NRG1: variants seen among roughly 807,000 people sequenced by gnomAD.
NRG1 encodes the protein neuregulin 1.
A neutral mutation model predicts 63.8 loss-of-function variants in NRG1; 18 were observed. The ratio of observed to expected loss-of-function variants is 0.28; its 90% CI spans 0.19 to 0.42. NRG1 has a LOEUF of 0.42. NRG1 is among the 10% of genes least tolerant of loss of function. The pLI is 1.00. For missense variants in NRG1, 762 were observed against 814.7 expected (o/e 0.94, Z 0.79); for synonymous variants, 302 against 301.3 (o/e 1.00, Z -0.02).
chr8:32,619,335 A>G (rs552037901), intron 5 of NRG1, among the ~76,000 whole-genome samples: 12 of 152,294 alleles, frequency 7.9e-5, no homozygotes, highest in Admixed American at 2.6e-4. Flanking sequence ...GGGGACCATA[A>G]GGAGCCCTGT....
intron 1 of NRG1, among the ~76,000 whole-genome samples, chr8:31,775,555 G>T (rs1216044757): frequency 6.6e-6 from 1 of 152,054 alleles, no homozygotes; most frequent in Admixed American, 6.6e-5. Flanking sequence ...TATATCAATG[G>T]AACAAAACTG....
intron 5 of NRG1, among the ~76,000 whole-genome samples, chr8:32,650,216 G>GTT (rs199510344): frequency 6.6e-6 from 1 of 151,286 alleles, no homozygotes; most frequent in Non-Finnish European, 1.5e-5. Context: ...TTCCTTATCA[G>GTT]TTTTTTTTTC....
At chr8:32,405,338 C>T (rs1275027931) in intron 1 of NRG1, among the ~76,000 whole-genome samples, 1 of 152,198 alleles carries the variant, frequency 6.6e-6, no homozygotes, top group East Asian at 1.9e-4. Context: ...AATTTATTCT[C>T]CTACTCCCAT....
intron 1 of NRG1, among the ~76,000 whole-genome samples, chr8:32,396,498 G>T (rs1441042239): frequency 1.3e-5 from 2 of 152,092 alleles, no homozygotes; most frequent in Non-Finnish European, 2.9e-5. Flanking sequence ...GCCCAGGCTG[G>T]AATGCAATAG....
chr8:32,557,727 TTTTGGG>T (rs199729245), intron 1 of NRG1, among the ~76,000 whole-genome samples: 2,075 of 152,290 alleles, frequency 0.014, 54 homozygotes, highest in African/African-American at 0.047. Context: ...GCATTATCCA[TTTTGGG>T]AAAGAGTAAT....
chr8:31,819,206 C>CTCCAGCCTGGGTGACAGAGCA (rs149093533), intron 1 of NRG1, among the ~76,000 whole-genome samples: 23,243 of 151,872 alleles, frequency 0.15, 2,080 homozygotes, highest in Non-Finnish European at 0.19. Context: ...GCTACTTACA[C>CTCCAGCCTGGGTGACAGAGCA]TCCAGCCTGG....
chr8:32,005,937 T>C (rs1813701886), intron 1 of NRG1, among the ~76,000 whole-genome samples: 1 of 152,056 alleles, frequency 6.6e-6, no homozygotes, highest in Non-Finnish European at 1.5e-5. Context: ...TTCTTTGTTC[T>C]AGTTATTTTC....
intron 1 of NRG1, among the ~76,000 whole-genome samples, chr8:31,860,685 G>A (rs112249354): frequency 1.2e-3 from 189 of 152,236 alleles, no homozygotes; most frequent in African/African-American, 4.1e-3. Context: ...ATTATTTGGC[G>A]TGTTTGAATA....
intron 1 of NRG1, among the ~76,000 whole-genome samples, chr8:32,052,455 A>AT (rs1018812012): frequency 2.0e-5 from 3 of 151,080 alleles, no homozygotes; most frequent in Admixed American, 6.6e-5. Context: ...TTTTATTTGT[A>AT]TTTTTTTTAA....
intron 1 of NRG1, among the ~76,000 whole-genome samples, chr8:32,153,220 G>A (rs975508803): frequency 6.6e-6 from 1 of 152,138 alleles, no homozygotes; most frequent in Non-Finnish European, 1.5e-5. Context: ...GTACAGGGGC[G>A]AGCTTCCAGC....
At chr8:32,577,893 A>G (rs1563689810) in intron 1 of NRG1, among the ~76,000 whole-genome samples, 3 of 152,178 alleles carry the variant, frequency 2.0e-5, no homozygotes, top group Admixed American at 6.5e-5. Flanking sequence ...ATAGTTTAAC[A>G]TAAAAGGAAG....
intron 5 of NRG1, among the ~76,000 whole-genome samples, chr8:32,659,032 A>C (rs1802177129): frequency 6.6e-6 from 1 of 152,052 alleles, no homozygotes; most frequent in Admixed American, 6.6e-5. Flanking sequence ...TGGTCCTTGG[A>C]TTTATAGCGC....
At chr8:32,747,847 G>A (rs2975500) in intron 7 of NRG1, among the ~76,000 whole-genome samples, 11,824 of 150,502 alleles carry the variant, frequency 0.079, 653 homozygotes, top group Non-Finnish European at 0.12. Flanking sequence ...AGTTTTTCTG[G>A]CTAGTTAACG....
chr8:32,534,136 A>G (rs571504703), intron 1 of NRG1, among the ~76,000 whole-genome samples: 98 of 152,228 alleles, frequency 6.4e-4, no homozygotes, highest in Non-Finnish European at 6.3e-4. Context: ...TTATAAACCC[A>G]CATACTCAGA....
intron 1 of NRG1, among the ~76,000 whole-genome samples, chr8:32,439,080 T>C (rs1202631767): frequency 1.3e-5 from 2 of 152,188 alleles, no homozygotes; most frequent in African/African-American, 4.8e-5. Flanking sequence ...AATACCTAAA[T>C]GTCTTTTGAT....
At chr8:31,917,032 G>A (rs894764452) in intron 1 of NRG1, among the ~76,000 whole-genome samples, 211 of 151,464 alleles carry the variant, frequency 1.4e-3, no homozygotes, top group Admixed American at 3.2e-3. Flanking sequence ...CATGTCCTTC[G>A]CCCACTTTTT....
intron 1 of NRG1, among the ~76,000 whole-genome samples, chr8:31,853,428 A>G (rs1454071523): frequency 2.0e-5 from 3 of 150,340 alleles, no homozygotes; most frequent in Non-Finnish European, 4.4e-5. Flanking sequence ...TTATTGGTGT[A>G]TAAGAATGCT....
At chr8:32,364,571 A>G (rs1807690292) in intron 1 of NRG1, among the ~76,000 whole-genome samples, 1 of 152,130 alleles carries the variant, frequency 6.6e-6, no homozygotes, top group Admixed American at 6.5e-5. Flanking sequence ...ATGATATTGT[A>G]TTGACAACCA....
At chr8:32,026,899 C>T (rs1817467156) in intron 1 of NRG1, among the ~76,000 whole-genome samples, 1 of 151,900 alleles carries the variant, frequency 6.6e-6, no homozygotes, top group South Asian at 2.1e-4. Flanking sequence ...TTGCTTTTAT[C>T]TCCTTATCTG....
Sources: allele counts gnomAD v4.1 joint callset (sites outside exome capture counted in the v4.1 genomes callset), GRCh38; gene constraint gnomAD v4.1.1; transcripts MANE v1.5; gene names NCBI Gene and HGNC (gene_info 2026-07-23, HGNC 2026-07-21).